ZMYM4: variants seen among roughly 807,000 people sequenced by gnomAD.
ZMYM4 encodes the protein zinc finger MYM-type containing 4.
Under a neutral mutation model 183.2 loss-of-function variants are expected in ZMYM4, and 31 were observed. That is an observed-to-expected ratio of 0.17 (90% CI 0.13 to 0.23). ZMYM4 has a LOEUF of 0.23. ZMYM4 is among the 10% of genes least tolerant of loss of function. The pLI, the probability that ZMYM4 is intolerant of heterozygous loss-of-function variation, is 1.00. For synonymous variants in ZMYM4, 592 were observed against 631.2 expected, an observed-to-expected ratio of 0.94 and a Z score of 0.93; for missense variants, 1,273 against 1,840.3, an observed-to-expected ratio of 0.69 and a Z score of 5.64.
In ZMYM4 at chr1:35,413,066, A is replaced by G. The variant is rs569872841; in HGVS notation, c.3949-906A>G. 5.1e-4 allele frequency among the ~76,000 whole-genome samples: 78 copies of G among 152,134 alleles called. 1 individual carries two copies. Among genetic ancestry groups the G allele is most frequent in the African/African-American group, 1.7e-3 (69 of 41,456 alleles). ...GCCGTCAGTACTTTTTAAAAGAGAC[A>G]GGGTCTTGCTCTGTTACCCAGGCTG... On this transcript the variant is annotated intron_variant, in intron 26 of 29. Transcript: ENST00000314607.
chr1:35,399,359 A>G, intron 22 of ZMYM4, 123 bp from the exon 23 acceptor site: 1 of 954,702 alleles, frequency 1.0e-6, no homozygotes, highest in South Asian at 1.8e-5. Flanking sequence ...TGGAATCCTT[A>G]TTTTATCACA....
chr1:35,392,675 C>T lies in ZMYM4; in HGVS notation c.2757C>T (p.Ile919=), dbSNP rs72897152. The change falls in exon 17 of 30, where the codon ATC becomes ATT. Residue 919 remains isoleucine, a synonymous_variant. Transcript: ENST00000314607. ...QGAVPTVTAK[I]IGDASTQTDA... is the part of the protein sequence containing the mutation. ...CAGTTCCAACAGTAACAGCGAAAAT[C>T]ATCGGTGATGTAAGTTTTATTACTT... The T allele has an allele frequency of 1.3e-6, 2 of 1,597,070 alleles. No individual in the cohort carries two copies. Among genetic ancestry groups the T allele is most frequent in the African/African-American group, 1.4e-5 (1 of 73,926 alleles).
At chr1:35,392,541 A>G in intron 16 of ZMYM4, 106 bp from the exon 17 acceptor site, 1 of 1,299,378 alleles carries the variant, frequency 7.7e-7, no homozygotes, top group Non-Finnish European at 1.1e-6. Context: ...AAAAAAACAC[A>G]TGTTCTTAGT....
chr1:35,269,043 C>CA lies in ZMYM4; in HGVS notation c.-2dup. On this transcript the variant is annotated 5_prime_UTR_variant, in exon 1 of 30. Transcript: ENST00000314607. ...AGCCGCAGCGGTTCCGAGCGGGGCC[C>CA]AACATGGCGGAGAGAGAGGTGGAGT... is the stretch of plus-strand genomic sequence containing the variant. 6.5e-7 allele frequency: 1 copy of CA among 1,546,716 alleles called. No homozygotes were observed.
At chr1:35,272,773 A>C (rs537278264) in intron 1 of ZMYM4, among the ~76,000 whole-genome samples, 2 of 152,142 alleles carry the variant, frequency 1.3e-5, no homozygotes, top group Admixed American at 6.6e-5. Context: ...CAGTGGCGCT[A>C]TCTCAGCTCA....
intron 2 of ZMYM4, among the ~76,000 whole-genome samples, chr1:35,353,813 G>A (rs1055797111): frequency 5.3e-5 from 8 of 152,158 alleles, no homozygotes; most frequent in Admixed American, 3.3e-4. Flanking sequence ...TATTGTGTAA[G>A]TACCAAAATT....
At chr1:35,282,326 C>G (rs1640216239) in intron 1 of ZMYM4, among the ~76,000 whole-genome samples, 1 of 152,162 alleles carries the variant, frequency 6.6e-6, no homozygotes, top group African/African-American at 2.4e-5. Context: ...TGCCTTTTTG[C>G]TTTTCCATGC....
chr1:35,322,937 G>A lies in ZMYM4; in HGVS notation c.40-2423G>A, dbSNP rs572304913. Among the ~76,000 whole-genome samples, 241 of 150,836 alleles carry A rather than the reference G, an allele frequency of 1.6e-3. 2 individuals are homozygous for A. Among genetic ancestry groups the A allele is most frequent in the Admixed American group, 4.6e-3 (70 of 15,128 alleles). On this transcript the variant is annotated intron_variant, in intron 1 of 29. Transcript: ENST00000314607. ...GAACTCCTGACCTTGTGATCCACCT[G>A]CCTCGGCCTCCCAAAGTGCTAGGAT...
At position 35,351,623 on chromosome 1, in the gene ZMYM4, A is replaced by T. The variant is rs1389262254; in HGVS notation, c.86-7302A>T. 1.9e-5 allele frequency: 12 copies of T among 633,266 alleles called. No individual in the cohort carries two copies. In the African/African-American group the frequency reaches 2.2e-4, roughly 12 times the overall value. 39.2% of individuals were successfully genotyped at this position (633,266 alleles called of 1,614,324 possible). A position where few individuals can be genotyped will look rare whatever the true frequency, so the allele number is the denominator to read the frequency against. ...TGAGAGCTAAACCAAACAATTTTCT[A>T]TGAGGATTTTTCAGATAAAGACAAT... is the stretch of plus-strand genomic sequence containing the variant. On this transcript the variant is annotated intron_variant, in intron 2 of 29. Coordinates refer to ENST00000314607, the MANE Select transcript of ZMYM4 (RefSeq NM_005095.3).
At chr1:35,369,320 G>C (rs16837299) in intron 5 of ZMYM4, among the ~76,000 whole-genome samples, 2,050 of 152,250 alleles carry the variant, frequency 0.013, 50 homozygotes, top group African/African-American at 0.047. Flanking sequence ...GGTTACTCAT[G>C]ACTTAAAATA....
At chr1:35,281,819 T>G (rs112878296) in intron 1 of ZMYM4, among the ~76,000 whole-genome samples, 133 of 152,300 alleles carry the variant, frequency 8.7e-4, no homozygotes, top group African/African-American at 3.2e-3. Context: ...CCCTGCATGG[T>G]CCCTTGCGCC....
intron 7 of ZMYM4, among the ~76,000 whole-genome samples, chr1:35,373,380 CTTTTTTTT>C (rs572118166): frequency 4.5e-5 from 6 of 132,586 alleles, no homozygotes; most frequent in African/African-American, 1.7e-4. Context: ...TTTTTTTTTT[CTTTTTTTT>C]TTTTGAGACC....
chr1:35,395,366 C>T (rs750500824), intron 18 of ZMYM4, among the ~76,000 whole-genome samples: 4 of 148,692 alleles, frequency 2.7e-5, no homozygotes, highest in African/African-American at 5.2e-5. Flanking sequence ...ACAGCTGAGG[C>T]GGGAGGATCA....
chr1:35,275,447 T>C (rs1305523709), intron 1 of ZMYM4, among the ~76,000 whole-genome samples: 1 of 152,134 alleles, frequency 6.6e-6, no homozygotes, highest in Non-Finnish European at 1.5e-5. Flanking sequence ...CAGGCTGGTC[T>C]TGAACTCCTG....
At chr1:35,409,843 G>A (rs969357522) in intron 26 of ZMYM4, among the ~76,000 whole-genome samples, 16 of 152,100 alleles carry the variant, frequency 1.1e-4, no homozygotes, top group African/African-American at 3.4e-4. Context: ...GGAAGGCTAA[G>A]GCAGGAGAAT....
chr1:35,347,701 TAGAA>T (rs1317355938), intron 2 of ZMYM4, among the ~76,000 whole-genome samples: 2 of 152,116 alleles, frequency 1.3e-5, no homozygotes, highest in Non-Finnish European at 2.9e-5. Context: ...ATTTTGGAAT[TAGAA>T]GGAAGAATAG....
Position 35,396,485 on chromosome 1 carries a change from T to A in ZMYM4, c.2912-67T>A, listed in dbSNP as rs533100093. 141 of 1,589,130 alleles carry A rather than the reference T, an allele frequency of 8.9e-5. 1 individual carries two copies. In the South Asian group the frequency reaches 1.6e-3, roughly 18 times the overall value. ...TATAAACCTCCATAAGCTTTTTTAT[T>A]TTGAAATCTTATGAAAGCATTTCTA... On this transcript the variant is annotated intron_variant, in intron 18 of 29. Transcript: ENST00000314607.
At chr1:35,344,001 G>A (rs1643300237) in intron 2 of ZMYM4, among the ~76,000 whole-genome samples, 1 of 151,600 alleles carries the variant, frequency 6.6e-6, no homozygotes. Context: ...TTAATTTGGG[G>A]GAAAATTAAC....
At position 35,286,103 on chromosome 1, in the gene ZMYM4, A is replaced by C. The variant is rs189834629; in HGVS notation, c.39+17018A>C. Among the ~76,000 whole-genome samples the C allele has an allele frequency of 9.4e-4, 143 of 152,182 alleles. 2 individuals are homozygous for C. Among genetic ancestry groups the C allele is most frequent in the Non-Finnish European group, 3.1e-4 (21 of 68,034 alleles). On this transcript the variant is annotated intron_variant, in intron 1 of 29. Coordinates refer to ENST00000314607, the MANE Select transcript of ZMYM4 (RefSeq NM_005095.3). ...AAATTGGACAGGAAGAAGTAAAACT[A>C]TCTCTATTTAAAGGTGACATGATCT... is the stretch of plus-strand genomic sequence containing the variant.
Sources: gnomAD v4.1 joint callset for allele counts (sites outside exome capture counted in the v4.1 genomes callset) on GRCh38, gnomAD v4.1.1 for gene constraint, MANE v1.5 for transcripts, NCBI Gene and HGNC (gene_info 2026-07-23, HGNC 2026-07-21) for gene names.